The following WNT11 variants were observed in gnomAD, a reference collection of about 807,000 sequenced individuals.
WNT11 encodes the protein Wnt family member 11.
In WNT11, 20 loss-of-function variants were observed where a neutral mutation model predicts 35.6. The observed-to-expected ratio is 0.56, with a 90% CI of 0.40 to 0.82. WNT11 has a LOEUF of 0.82. Ranked by LOEUF, WNT11 falls within the 40% of genes least tolerant of loss-of-function variation. The pLI is 0.00. For missense variants in WNT11, 459 were observed against 504.4 expected (o/e 0.91, Z 0.86); for synonymous variants, 200 against 211.9 (o/e 0.94, Z 0.49).
At chr11:76,196,747 T>G in intron 1 of WNT11, 29 bp from the exon 2 acceptor site, 1 of 1,555,336 alleles carries the variant, frequency 6.4e-7, no homozygotes. Context: ...CCATGACCGA[T>G]GGAAGGAGAG....
Position 76,196,586 on chromosome 11 carries a change from G to T in WNT11, c.216C>A (p.Ala72=). ...GACAGGCCTTCATGACCTCGCGGGC[G>T]GCGTGCACCACCGTGTGCATGAGCT... is the stretch of plus-strand genomic sequence containing the variant. ...NLELMHTVVH[A]AREVMKACRR... Residue 72 remains alanine (A), a synonymous_variant, in exon 2 of 5, where the codon GCC becomes GCA. Transcript: ENST00000322563. The T allele has an allele frequency of 1.2e-6, 2 of 1,613,598 alleles. No individual in the cohort carries two copies. Among genetic ancestry groups the T allele is most frequent in the South Asian group, 2.2e-5 (2 of 91,080 alleles).
At chr11:76,210,201 G>C (rs1283240103), upstream of WNT11, 2 of 161,616 alleles carry the variant, frequency 1.2e-5, no homozygotes, top group South Asian at 2.0e-4. Context: ...GAAAGTTCGA[G>C]GAGGGCCGCA....
intron 1 of WNT11, among the ~76,000 whole-genome samples, chr11:76,201,615 AC>A (rs1479921126): frequency 6.6e-6 from 1 of 152,152 alleles, no homozygotes; most frequent in Non-Finnish European, 1.5e-5. Context: ...TCAGGGCCCT[AC>A]CGGGGTGGCA....
At chr11:76,199,417 A>G (rs1021373350) in intron 1 of WNT11, among the ~76,000 whole-genome samples, 2 of 151,982 alleles carry the variant, frequency 1.3e-5, no homozygotes, top group African/African-American at 4.8e-5. Flanking sequence ...GGTTACAGTG[A>G]ACTATGATTA....
At chr11:76,201,884 C>G (rs1953385713) in intron 1 of WNT11, among the ~76,000 whole-genome samples, 1 of 152,160 alleles carries the variant, frequency 6.6e-6, no homozygotes, top group Admixed American at 6.5e-5. Context: ...TCAGGCCGCT[C>G]TAGGGGACCC....
At chr11:76,210,437 T>C, upstream of WNT11, 2 of 985,344 alleles carry the variant, frequency 2.0e-6, no homozygotes, top group Non-Finnish European at 2.4e-6. Context: ...GGGTCCCCGC[T>C]GAGCGGCTGC....
At chr11:76,202,873 G>C (rs946863983) in intron 1 of WNT11, among the ~76,000 whole-genome samples, 4 of 152,186 alleles carry the variant, frequency 2.6e-5, no homozygotes, top group Non-Finnish European at 5.9e-5. Flanking sequence ...GAAGGGCCTT[G>C]AGCCTGCAGA....
chr11:76,194,879 T>A lies in WNT11; in HGVS notation c.320-35A>T, dbSNP rs764645045. On this transcript the variant is annotated intron_variant, in intron 2 of 4. Coordinates refer to ENST00000322563, the MANE Select transcript of WNT11 (RefSeq NM_004626.3). This position sits in a 1 kb window ranked among gnomAD's most constrained non-coding sequence, Gnocchi z 5.4. Reference sequence around the variant, plus strand: ...GGAGGGGAAGGTCAGCCGACGCTGATCCAGGGCTAGGACCCTGCCCAGGTC... The same window carrying A: ...GGAGGGGAAGGTCAGCCGACGCTGAACCAGGGCTAGGACCCTGCCCAGGTC... 6 of 1,467,980 alleles carry A rather than the reference T, an allele frequency of 4.1e-6. No individual in the cohort carries two copies. The highest frequency in any genetic ancestry group is 5.4e-6 in the Non-Finnish European group (6 of 1,114,858). 90.9% of individuals were successfully genotyped at this position (1,467,980 alleles called of 1,614,324 possible).
chr11:76,200,618 G>T (rs1038391586), intron 1 of WNT11, among the ~76,000 whole-genome samples: 1 of 152,172 alleles, frequency 6.6e-6, no homozygotes, highest in African/African-American at 2.4e-5. Flanking sequence ...TCCAGCACCC[G>T]CCAGCAGGCC....
At chr11:76,203,190 C>G (rs757669332) in intron 1 of WNT11, among the ~76,000 whole-genome samples, 7 of 152,230 alleles carry the variant, frequency 4.6e-5, no homozygotes, top group Non-Finnish European at 8.8e-5. Context: ...CCTCCTGCAT[C>G]CTGAGGTAGG....
rs1431062099 is a variant in WNT11 at position 76,196,613 on chromosome 11, C to T, written c.189G>A (p.Leu63=). The change falls in exon 2 of 5, where the codon CTG becomes CTA. Residue 63 remains leucine (L), a synonymous_variant. Transcript: ENST00000322563. ...CGTGCACCACCGTGTGCATGAGCTC[C>T]AGGTTGCTGCGGCACAGCTGCACCT... is the stretch of plus-strand genomic sequence containing the variant. ...SAQVQLCRSN[L]ELMHTVVHAA... 6.2e-7 allele frequency: 1 copy of T among 1,613,692 alleles called. No homozygotes were observed. Among genetic ancestry groups the T allele is most frequent in the Admixed American group, 1.7e-5 (1 of 60,032 alleles).
chr11:76,202,561 G>A (rs746503640), intron 1 of WNT11, among the ~76,000 whole-genome samples: 1 of 151,926 alleles, frequency 6.6e-6, no homozygotes, highest in Non-Finnish European at 1.5e-5. Flanking sequence ...CCAGGCTTCC[G>A]TCTACTCCCC....
intron 1 of WNT11, among the ~76,000 whole-genome samples, chr11:76,203,857 C>G (rs1174721761): frequency 6.6e-6 from 1 of 152,256 alleles, no homozygotes; most frequent in African/African-American, 2.4e-5. Context: ...TGAACACTTC[C>G]CTGCTCCCAG....
chr11:76,196,827 G>T, intron 1 of WNT11, 109 bp from the exon 2 acceptor site: 1 of 1,264,320 alleles, frequency 7.9e-7, no homozygotes, highest in Non-Finnish European at 1.1e-6. Context: ...AATGGACTTT[G>T]CCTCCTGGTT....
chr11:76,206,508 G>T (rs1184335348), upstream of WNT11: 4 of 1,244,654 alleles, frequency 3.2e-6, no homozygotes, highest in Non-Finnish European at 4.0e-6. Flanking sequence ...CCTGCAGCCG[G>T]GGAGAGCGGA....
Position 76,194,843 on chromosome 11 carries a change from C to G in WNT11, c.321G>C (p.Gly107=), listed in dbSNP as rs368502314. The change falls in exon 3 of 5, where the codon GGG becomes GGC. Residue 107 remains glycine (G), a splice_region_variant and synonymous_variant. Coordinates refer to ENST00000322563, the MANE Select transcript of WNT11 (RefSeq NM_004626.3). The surrounding 1 kb of genome is among the most constrained non-coding windows in gnomAD (Gnocchi z 5.4). ...APNYLLDLER[G]TRESAFVYAL... is the part of the protein sequence containing the mutation. ...CATACACGAAGGCCGACTCCCGGGT[C>G]CCTGAGGGTGGGAGGGGAAGGTCAG... 160 of 1,503,498 alleles carry G rather than the reference C, an allele frequency of 1.1e-4. No individual in the cohort carries two copies. The highest frequency in any genetic ancestry group is 1.4e-4 in the Non-Finnish European group (154 of 1,132,370). 93.1% of individuals were successfully genotyped at this position (1,503,498 alleles called of 1,614,324 possible). A position where few individuals can be genotyped will look rare whatever the true frequency, so the allele number is the denominator to read the frequency against.
intron 4 of WNT11, among the ~76,000 whole-genome samples, chr11:76,189,668 T>G (rs527816410): frequency 6.6e-6 from 1 of 152,252 alleles, no homozygotes; most frequent in Admixed American, 6.5e-5. Flanking sequence ...TAGGAAGCCT[T>G]CCTTGATGTC....
Position 76,194,742 on chromosome 11 carries a change from C to A in WNT11, c.422G>T (p.Gly141Val), listed in dbSNP as rs1362331353. The change falls in exon 3 of 5, where the codon GGC becomes GTC. Residue 141 changes from glycine (G) to valine (V), a missense_variant. Coordinates refer to ENST00000322563, the MANE Select transcript of WNT11 (RefSeq NM_004626.3). The surrounding 1 kb of genome is among the most constrained non-coding windows in gnomAD (Gnocchi z 5.4). ...TSGDLPGCSC[G>V]PVPGEPPGPG... ...CCCGGGTGGCTCACCTGGGACGGGGCCGCAGGAGCAGCCGGGCAGGTCGCC... is the reference window on the plus strand; with the variant it reads ...CCCGGGTGGCTCACCTGGGACGGGGACGCAGGAGCAGCCGGGCAGGTCGCC... The A allele has an allele frequency of 1.2e-5, 18 of 1,551,276 alleles. No homozygotes were observed. The highest frequency in any genetic ancestry group is 1.6e-5 in the Non-Finnish European group (18 of 1,147,964).
intron 1 of WNT11, among the ~76,000 whole-genome samples, chr11:76,204,116 T>C (rs913808096): frequency 5.9e-5 from 9 of 152,220 alleles, no homozygotes; most frequent in African/African-American, 9.7e-5. Flanking sequence ...AGTGAGGCCA[T>C]GTGTGTGTAG....
Sources: allele counts gnomAD v4.1 joint callset (sites outside exome capture counted in the v4.1 genomes callset), GRCh38; gene constraint gnomAD v4.1.1; non-coding constraint Gnocchi (gnomAD v3.1); transcripts MANE v1.5; gene names NCBI Gene and HGNC (gene_info 2026-07-23, HGNC 2026-07-21).